Variants in ADGRL3 observed in about 807,000 individuals in gnomAD.
ADGRL3 encodes the protein adhesion G protein-coupled receptor L3.
In ADGRL3, 62 loss-of-function variants were observed where a neutral mutation model predicts 153.5. The ratio of observed to expected loss-of-function variants is 0.40; its 90% CI spans 0.33 to 0.50. The LOEUF is 0.50. ADGRL3 is among the 20% of genes least tolerant of loss of function. The pLI is 0.47. For synonymous variants in ADGRL3, 710 were observed against 672.5 expected, an observed-to-expected ratio of 1.06 and a Z score of -0.86; for missense variants, 1,641 against 1,859.4, an observed-to-expected ratio of 0.88 and a Z score of 2.16.
intron 7 of ADGRL3, among the ~76,000 whole-genome samples, chr4:61,731,442 T>A (rs1213029395): frequency 6.6e-6 from 1 of 152,096 alleles, no homozygotes; most frequent in Non-Finnish European, 1.5e-5. Flanking sequence ...TTTTCTAATT[T>A]TTTCACCCAG....
chr4:61,510,270 C>T (rs2098456454), intron 3 of ADGRL3, among the ~76,000 whole-genome samples: 1 of 152,066 alleles, frequency 6.6e-6, no homozygotes, highest in Non-Finnish European at 1.5e-5. Context: ...TTTATTAGGT[C>T]CCACTTGTCA....
intron 1 of ADGRL3, among the ~76,000 whole-genome samples, chr4:61,274,016 G>A (rs531884679): frequency 1.3e-5 from 2 of 152,126 alleles, no homozygotes; most frequent in South Asian, 2.1e-4. Flanking sequence ...GCATGCTAAG[G>A]TGACCTTTAT....
Position 61,946,977 on chromosome 4 carries a change from C to T in ADGRL3, c.2483C>T (p.Ala828Val). 2 of 1,613,732 alleles carry T rather than the reference C, an allele frequency of 1.2e-6. No individual in the cohort carries two copies. Among genetic ancestry groups the T allele is most frequent in the Non-Finnish European group, 1.7e-6 (2 of 1,179,794 alleles). Residue 828 changes from alanine to valine, a missense_variant, in exon 16 of 27, where the codon GCC (alanine) becomes GTC (valine). By Grantham distance (64) the Ala-to-Val change is moderately conservative. This residue lies in a region of ADGRL3 where 734 missense variants were observed against 797.0 expected (regional missense o/e 0.92). Coordinates refer to ENST00000683033, the MANE Select transcript of ADGRL3 (RefSeq NM_001387552.1). ...GGTCCTTATTTATCCACGGAGAATGCCAGTATGAAGTTGGGAACGGAAGCT... is the reference window on the plus strand; with the variant it reads ...GGTCCTTATTTATCCACGGAGAATGTCAGTATGAAGTTGGGAACGGAAGCT... ...NLGPYLSTEN[A>V]SMKLGTEALS...
intron 8 of ADGRL3, among the ~76,000 whole-genome samples, chr4:61,789,167 G>T (rs910941594): frequency 6.6e-6 from 1 of 151,798 alleles, no homozygotes; most frequent in Non-Finnish European, 1.5e-5. Flanking sequence ...ACTATACCTC[G>T]ATTTTAGATT....
intron 3 of ADGRL3, 89 bp from the exon 4 acceptor site, chr4:61,517,226 G>A: frequency 6.0e-6 from 4 of 661,970 alleles, no homozygotes; most frequent in Middle Eastern, 3.8e-4. Context: ...GCGGCAGAGA[G>A]CAGCCTTGGG....
intron 8 of ADGRL3, among the ~76,000 whole-genome samples, chr4:61,756,470 G>A (rs2096832024): frequency 6.6e-6 from 1 of 152,138 alleles, no homozygotes; most frequent in Non-Finnish European, 1.5e-5. Context: ...CATTGATTTT[G>A]TATCCTGAGA....
chr4:61,396,683 C>G (rs924587828), intron 2 of ADGRL3, among the ~76,000 whole-genome samples: 2 of 151,874 alleles, frequency 1.3e-5, no homozygotes, highest in African/African-American at 4.8e-5. Context: ...CTTATATCAT[C>G]CAGGAGGGAA....
At chr4:61,781,399 G>T (rs1447830941) in intron 8 of ADGRL3, among the ~76,000 whole-genome samples, 4 of 150,532 alleles carry the variant, frequency 2.7e-5, no homozygotes, top group African/African-American at 4.9e-5. Flanking sequence ...AATGAAATAA[G>T]TACTTTTAAG....
At chr4:62,001,547 T>G (rs1222397766) in intron 21 of ADGRL3, among the ~76,000 whole-genome samples, 1 of 152,164 alleles carries the variant, frequency 6.6e-6, no homozygotes, top group Admixed American at 6.6e-5. Flanking sequence ...TAAAATACAT[T>G]ATATTAACAA....
chr4:61,547,660 G>C (rs570175858), intron 4 of ADGRL3, among the ~76,000 whole-genome samples: 1 of 151,974 alleles, frequency 6.6e-6, no homozygotes, highest in Non-Finnish European at 1.5e-5. Context: ...ACCATTGATG[G>C]GTATTTAGGT....
chr4:61,850,549 C>T (rs531854305), intron 9 of ADGRL3, among the ~76,000 whole-genome samples: 1 of 152,268 alleles, frequency 6.6e-6, no homozygotes, highest in African/African-American at 2.4e-5. Context: ...TGTCTAATTT[C>T]TGTAGGCCAA....
chr4:61,926,672 G>A (rs1387828295), intron 13 of ADGRL3, among the ~76,000 whole-genome samples: 1 of 152,128 alleles, frequency 6.6e-6, no homozygotes, highest in Non-Finnish European at 1.5e-5. Flanking sequence ...AGGAGTTAAT[G>A]CATGTAAAGC....
At chr4:61,457,974 G>C (rs335347) in intron 2 of ADGRL3, among the ~76,000 whole-genome samples, 141,578 of 151,780 alleles carry the variant, frequency 0.93, 66,854 homozygotes, top group East Asian at 1. Context: ...AAGTTTCTTC[G>C]AAATCTATAA....
intron 6 of ADGRL3, among the ~76,000 whole-genome samples, chr4:61,695,119 G>A (rs184462605): frequency 6.6e-6 from 1 of 152,206 alleles, no homozygotes; most frequent in African/African-American, 2.4e-5. Flanking sequence ...TGTTAATGCT[G>A]ATATTTTATT....
At chr4:61,986,825 TA>T (rs1284745953) in intron 19 of ADGRL3, among the ~76,000 whole-genome samples, 1 of 152,182 alleles carries the variant, frequency 6.6e-6, no homozygotes, top group Non-Finnish European at 1.5e-5. Context: ...AAAAAATGTT[TA>T]ACTTCTACTT....
At chr4:61,646,887 A>G (rs1257181267) in intron 5 of ADGRL3, among the ~76,000 whole-genome samples, 2 of 152,102 alleles carry the variant, frequency 1.3e-5, no homozygotes, top group Non-Finnish European at 2.9e-5. Context: ...TGGCTGCCGA[A>G]TTGCAGTTTG....
chr4:61,725,850 A>G (rs1057113994), intron 6 of ADGRL3, among the ~76,000 whole-genome samples: 13 of 151,952 alleles, frequency 8.6e-5, no homozygotes, highest in Non-Finnish European at 1.5e-4. Context: ...AAACGGCAGG[A>G]CTCTGCCACC....
chr4:61,562,467 C>A (rs1268121586), intron 4 of ADGRL3, among the ~76,000 whole-genome samples: 1 of 152,196 alleles, frequency 6.6e-6, no homozygotes, highest in African/African-American at 2.4e-5. Flanking sequence ...TGAAGTCAGT[C>A]CTCTAAAACT....
chr4:61,452,424 G>A (rs2097687103), intron 2 of ADGRL3, among the ~76,000 whole-genome samples: 1 of 152,158 alleles, frequency 6.6e-6, no homozygotes, highest in Non-Finnish European at 1.5e-5. Flanking sequence ...CTCAGAATCA[G>A]GGAATCTGAC....
Sources: gnomAD v4.1 joint callset for allele counts (sites outside exome capture counted in the v4.1 genomes callset) on GRCh38, gnomAD v4.1.1 for gene constraint, gnomAD v4.1.1 regional missense constraint, MANE v1.5 for transcripts, NCBI Gene and HGNC (gene_info 2026-07-23, HGNC 2026-07-21) for gene names.